The following RAD18 variants were observed in gnomAD, a reference collection of about 807,000 sequenced individuals.
RAD18 encodes the protein E3 ubiquitin-protein ligase RAD18.
In RAD18, 47 loss-of-function variants were observed where a neutral mutation model predicts 60.4. The observed-to-expected ratio is 0.78, with a 90% CI of 0.62 to 0.99. The LOEUF is 0.99. RAD18 is among the 50% of genes least tolerant of loss of function. RAD18 has a pLI of 0.00. For synonymous variants in RAD18, 225 were observed against 195.5 expected, an observed-to-expected ratio of 1.15 and a Z score of -1.26; for missense variants, 640 against 593.3, an observed-to-expected ratio of 1.08 and a Z score of -0.82.
chr3:8,916,732 C>T (rs1362958735), intron 7 of RAD18, among the ~76,000 whole-genome samples: 1 of 151,626 alleles, frequency 6.6e-6, no homozygotes, highest in Non-Finnish European at 1.5e-5. Flanking sequence ...GATAACTTGA[C>T]TCAGCTAAGG....
intron 7 of RAD18, among the ~76,000 whole-genome samples, chr3:8,926,858 G>A (rs899980330): frequency 6.6e-6 from 1 of 152,192 alleles, no homozygotes; most frequent in African/African-American, 2.4e-5. Context: ...CTAGCCATAT[G>A]TAGAAAGCTG....
chr3:8,881,261 T>A lies in RAD18; in HGVS notation c.*96A>T. Reference sequence around the variant, plus strand: ...TAACCGTAATATTTAGAATTTAGCATCTTTCCTTGGGCATTTATAAATAGA... The same window carrying A: ...TAACCGTAATATTTAGAATTTAGCAACTTTCCTTGGGCATTTATAAATAGA... On this transcript the variant is annotated 3_prime_UTR_variant, in exon 13 of 13. Transcript: ENST00000264926. 1.0e-6 allele frequency: 1 copy of A among 975,488 alleles called. No homozygotes were observed. 60.4% of individuals were successfully genotyped at this position (975,488 alleles called of 1,614,324 possible).
At chr3:8,910,653 C>G (rs1940091918) in intron 9 of RAD18, among the ~76,000 whole-genome samples, 1 of 151,870 alleles carries the variant, frequency 6.6e-6, no homozygotes, top group Non-Finnish European at 1.5e-5. Context: ...TTATAACCAT[C>G]TTATGCAAAT....
At chr3:8,948,699 T>C (rs1043771933) in intron 2 of RAD18, 129 bp from the exon 3 acceptor site, 3 of 676,346 alleles carry the variant, frequency 4.4e-6, no homozygotes, top group Non-Finnish European at 7.5e-6. Flanking sequence ...AGCTTAAATT[T>C]CTAGTACCTC....
rs607531 is a variant in RAD18 at position 8,890,505 on chromosome 3, C to T, written c.1323-54G>A. ...AGACAACAAGAAGACTGTATCGTCC[C>T]ATTTATATAAAATTCTAGAAAAAAA... is the stretch of plus-strand genomic sequence containing the variant. On this transcript the variant is annotated intron_variant, in intron 11 of 12. Transcript: ENST00000264926. The T allele has an allele frequency of 0.69, 895,913 of 1,300,050 alleles. 317,997 individuals are homozygous for T. The highest frequency in any genetic ancestry group is 0.76 in the Middle Eastern group (3,959 of 5,224). The allele number at this position is 1,300,050 out of a possible 1,614,324, so 80.5% of individuals were successfully genotyped here. A position where few individuals can be genotyped will look rare whatever the true frequency, so the allele number is the denominator to read the frequency against.
rs563295321 is a variant in RAD18, at chr3:8,915,848, G to T, written c.890-2128C>A. Reference sequence around the variant, plus strand: ...TCCACCCGCCTCGGCCTCCCAAAGTGCTGGGATTACAGGCGTGAGCCACCG... The same window carrying T: ...TCCACCCGCCTCGGCCTCCCAAAGTTCTGGGATTACAGGCGTGAGCCACCG... On this transcript the variant is annotated intron_variant, in intron 7 of 12. Transcript: ENST00000264926. Among the ~76,000 whole-genome samples, 41 of 152,238 alleles carry T rather than the reference G, an allele frequency of 2.7e-4. 1 individual carries two copies. The highest frequency in any genetic ancestry group is 7.2e-4 in the Admixed American group (11 of 15,302).
At position 8,930,183 on chromosome 3, in the gene RAD18, A is replaced by G. The variant is rs545945428; in HGVS notation, c.889+5688T>C. Among the ~76,000 whole-genome samples, 27 of 152,364 alleles carry G rather than the reference A, an allele frequency of 1.8e-4. No individual in the cohort carries two copies. In the South Asian group the frequency reaches 5.6e-3, roughly 32 times the overall value. On this transcript the variant is annotated intron_variant, in intron 7 of 12. Transcript: ENST00000264926. ...AGTGGAAAAATGTCAGATTTGAACT[A>G]ATGAACAGACACAAAGATGTGACAT...
chr3:8,940,192 A>C (rs879283727), intron 5 of RAD18, among the ~76,000 whole-genome samples: 3 of 152,194 alleles, frequency 2.0e-5, no homozygotes, highest in African/African-American at 7.2e-5. Flanking sequence ...AGTCATTCTC[A>C]AACTATTTCA....
At chr3:8,933,123 T>TAAAAA (rs142275596) in intron 7 of RAD18, among the ~76,000 whole-genome samples, 1 of 150,296 alleles carries the variant, frequency 6.7e-6, no homozygotes, top group African/African-American at 2.4e-5. Context: ...TAAAATAAAA[T>TAAAAA]AAAAAATAAA....
At chr3:8,889,488 G>A (rs576474024) in intron 12 of RAD18, among the ~76,000 whole-genome samples, 27 of 152,294 alleles carry the variant, frequency 1.8e-4, no homozygotes, top group African/African-American at 6.5e-4. Context: ...ATATAAATGT[G>A]CTGGAAAGAG....
chr3:8,941,483 C>T lies in RAD18; in HGVS notation c.588G>A (p.Leu196=), dbSNP rs1226856446. Residue 196 remains leucine (L), a synonymous_variant, in exon 5 of 13, where the codon TTG becomes TTA. Transcript: ENST00000264926. ...ACTTCCTACCTTTAGTAACTTGTTTCAAAGTGGATGTCGAGGGTGGCTCAG... is the reference window on the plus strand; with the variant it reads ...ACTTCCTACCTTTAGTAACTTGTTTTAAAGTGGATGTCGAGGGTGGCTCAG... ...KRPEPPSTST[L]KQVTKVDCPV... is the part of the protein sequence containing the mutation. 1 of 1,605,504 alleles carries T rather than the reference C, an allele frequency of 6.2e-7. No homozygotes were observed. The highest frequency in any genetic ancestry group is 1.1e-5 in the South Asian group (1 of 90,512).
intron 7 of RAD18, among the ~76,000 whole-genome samples, chr3:8,925,870 G>C (rs1390267029): frequency 6.6e-6 from 1 of 152,158 alleles, no homozygotes; most frequent in Non-Finnish European, 1.5e-5. Flanking sequence ...AGCCCTTCAT[G>C]CTAAAAACTC....
intron 7 of RAD18, among the ~76,000 whole-genome samples, chr3:8,917,362 T>TAAAAAAA (rs1940222365): frequency 6.6e-6 from 1 of 152,160 alleles, no homozygotes; most frequent in Non-Finnish European, 1.5e-5. Flanking sequence ...AAATGAAAAC[T>TAAAAAAA]GGTGAAAATG....
At chr3:8,945,337 T>C (rs1345584121) in intron 4 of RAD18, among the ~76,000 whole-genome samples, 2 of 152,222 alleles carry the variant, frequency 1.3e-5, no homozygotes, top group East Asian at 3.8e-4. Context: ...CATGCTTTGT[T>C]CAACAAGAGA....
chr3:8,912,218 G>A (rs1488370232), intron 9 of RAD18, 94 bp downstream of exon 9: 1 of 988,936 alleles, frequency 1.0e-6, no homozygotes, highest in African/African-American at 1.7e-5. Context: ...AGTTTGAATT[G>A]AACCTTAATA....
chr3:8,961,535 G>C (rs903841023), intron 1 of RAD18, among the ~76,000 whole-genome samples: 1 of 152,206 alleles, frequency 6.6e-6, no homozygotes, highest in Non-Finnish European at 1.5e-5. Flanking sequence ...TTCTGAGTCA[G>C]ACTTCTATTC....
chr3:8,941,921 T>C (rs1004137257), intron 4 of RAD18, 117 bp from the exon 5 acceptor site: 6 of 956,916 alleles, frequency 6.3e-6, no homozygotes, highest in Non-Finnish European at 7.7e-6. Flanking sequence ...ACCTATACTA[T>C]AATGACAACC....
chr3:8,904,648 G>A (rs535397084), intron 9 of RAD18, among the ~76,000 whole-genome samples: 2 of 152,240 alleles, frequency 1.3e-5, no homozygotes, highest in East Asian at 1.9e-4. Flanking sequence ...TTCACTCTAC[G>A]CACTTGAGGA....
chr3:8,910,641 A>T (rs967486380), intron 9 of RAD18, among the ~76,000 whole-genome samples: 6 of 152,186 alleles, frequency 3.9e-5, no homozygotes, highest in Non-Finnish European at 5.9e-5. Context: ...TGATGAAAGG[A>T]ATTATAACCA....
Sources: gnomAD v4.1 joint callset for allele counts (sites outside exome capture counted in the v4.1 genomes callset) on GRCh38, gnomAD v4.1.1 for gene constraint, MANE v1.5 for transcripts, NCBI Gene and HGNC (gene_info 2026-07-23, HGNC 2026-07-21) for gene names.